Variants in MAP3K2 observed in about 807,000 individuals in gnomAD.
MAP3K2 encodes the protein MAP/ERK kinase kinase 2.
MAP3K2 carries 24 observed loss-of-function variants against 80.3 expected under a neutral mutation model. The observed-to-expected ratio is 0.30, with a 90% CI of 0.22 to 0.42. The LOEUF (loss-of-function observed/expected upper bound fraction) is 0.42. Among genes scored for constraint, MAP3K2 ranks in the 10% least tolerant of loss-of-function variants. The probability of loss-of-function intolerance (pLI) is 1.00; values close to 1 mark genes in which losing one functional copy is unlikely to be tolerated. For missense variants in MAP3K2, 608 were observed against 750.1 expected, an observed-to-expected ratio of 0.81 and a Z score of 2.21; for synonymous variants, 244 against 253.7, an observed-to-expected ratio of 0.96 and a Z score of 0.36.
At chr2:127,367,143 T>C (rs952407073) in intron 1 of MAP3K2, among the ~76,000 whole-genome samples, 1 of 152,058 alleles carries the variant, frequency 6.6e-6, no homozygotes, top group Non-Finnish European at 1.5e-5. Context: ...CATAACAGCT[T>C]GGGGGTGAAG....
At chr2:127,368,397 C>A (rs1397720717) in intron 1 of MAP3K2, among the ~76,000 whole-genome samples, 1 of 151,856 alleles carries the variant, frequency 6.6e-6, no homozygotes, top group Non-Finnish European at 1.5e-5. Context: ...CTGAGGCGGG[C>A]AGATCACGAG....
chr2:127,371,353 C>T (rs2104888263), intron 1 of MAP3K2, among the ~76,000 whole-genome samples: 1 of 152,270 alleles, frequency 6.6e-6, no homozygotes, highest in Admixed American at 6.5e-5. Flanking sequence ...TAATTTTGAT[C>T]CCCAGGCCTA....
At chr2:127,384,978 A>T (rs1159644052) in intron 1 of MAP3K2, among the ~76,000 whole-genome samples, 1 of 152,186 alleles carries the variant, frequency 6.6e-6, no homozygotes, top group Admixed American at 6.5e-5. Context: ...CCTAGTGAAG[A>T]TGATGTGAAT....
intron 1 of MAP3K2, among the ~76,000 whole-genome samples, chr2:127,386,345 A>T (rs1239952862): frequency 1.3e-5 from 2 of 152,254 alleles, no homozygotes; most frequent in African/African-American, 4.8e-5. Context: ...CACTCCATAC[A>T]AATGAAAAAG....
upstream of MAP3K2, chr2:127,388,343 G>C: frequency 1.0e-6 from 1 of 985,532 alleles, no homozygotes; most frequent in Non-Finnish European, 1.2e-6. Context: ...CAGGGCCCAA[G>C]GGTAGCAGAG....
At chr2:127,341,915 C>A (rs1300225706) in intron 2 of MAP3K2, among the ~76,000 whole-genome samples, 2 of 152,092 alleles carry the variant, frequency 1.3e-5, no homozygotes, top group African/African-American at 2.4e-5. Context: ...TTTCAAAAAT[C>A]TTTTATCAGA....
intron 1 of MAP3K2, among the ~76,000 whole-genome samples, chr2:127,365,724 C>T (rs1283709366): frequency 6.6e-6 from 1 of 152,188 alleles, no homozygotes; most frequent in Non-Finnish European, 1.5e-5. Flanking sequence ...GCTGGGCATA[C>T]CTGGCTTCTC....
chr2:127,318,063 G>GAA (rs370860947), intron 13 of MAP3K2, 106 bp downstream of exon 13: 7 of 512,196 alleles, frequency 1.4e-5, no homozygotes, highest in Non-Finnish European at 1.9e-5. Context: ...TTTTTTTTTT[G>GAA]AAAAAAAATG....
In MAP3K2 at chr2:127,364,759, T is replaced by C. The variant is rs978759360; in HGVS notation, c.-65-21565A>G. 2.0e-5 allele frequency among the ~76,000 whole-genome samples: 3 copies of C among 152,162 alleles called. No homozygotes were observed. The highest frequency in any genetic ancestry group is 7.2e-5 in the African/African-American group (3 of 41,438). ...GCACTCATCTTCTTTTCCCTCCACC[T>C]TTCCCCTCATCTTTAAAAATATACC... On this transcript the variant is annotated intron_variant, in intron 1 of 16. Transcript: ENST00000682094. This position sits in a 1 kb window ranked among gnomAD's most constrained non-coding sequence, Gnocchi z 4.1.
At chr2:127,342,505 C>A (rs1416467560) in intron 2 of MAP3K2, among the ~76,000 whole-genome samples, 1 of 151,936 alleles carries the variant, frequency 6.6e-6, no homozygotes, top group Non-Finnish European at 1.5e-5. Flanking sequence ...ATCCCAGGAT[C>A]AGTCTAAGTT....
At chr2:127,368,283 C>T (rs1286931600) in intron 1 of MAP3K2, among the ~76,000 whole-genome samples, 1 of 152,008 alleles carries the variant, frequency 6.6e-6, no homozygotes, top group African/African-American at 2.4e-5. Context: ...GATCACACCA[C>T]TGCACTCCAG....
intron 1 of MAP3K2, among the ~76,000 whole-genome samples, chr2:127,351,438 G>A (rs1686689898): frequency 6.6e-6 from 1 of 151,944 alleles, no homozygotes; most frequent in African/African-American, 2.4e-5. Context: ...GAAAAAAATT[G>A]TAAAAACAAA....
rs1685626387 is a variant in MAP3K2 at position 127,302,946 on chromosome 2, C to T, written c.*4633G>A. ...GTAGGAGGAGGCAGGCATTAAGAAA[C>T]ATTTAAGGACCAATACACAGTCTAA... On this transcript the variant is annotated 3_prime_UTR_variant, in exon 17 of 17. Coordinates refer to ENST00000682094, the MANE Select transcript of MAP3K2 (RefSeq NM_001371910.2). 1 of 151,880 alleles carries T rather than the reference C, an allele frequency of 6.6e-6. No individual in the cohort carries two copies. The highest frequency in any genetic ancestry group is 2.1e-4 in the South Asian group (1 of 4,822). The allele number at this position is 151,880 out of a possible 1,614,324, so 9.4% of individuals were successfully genotyped here. A position where few individuals can be genotyped will look rare whatever the true frequency, so the allele number is the denominator to read the frequency against.
chr2:127,339,107 C>A lies in MAP3K2; in HGVS notation c.5-57G>T. 1.0e-6 allele frequency: 1 copy of A among 972,774 alleles called. No homozygotes were observed. The highest frequency in any genetic ancestry group is 1.6e-5 in the South Asian group (1 of 64,266). 60.3% of individuals were successfully genotyped at this position (972,774 alleles called of 1,614,324 possible). A position where few individuals can be genotyped will look rare whatever the true frequency, so the allele number is the denominator to read the frequency against. The stretch of plus-strand genomic sequence containing the variant: ...ATTGTAATTGTGACATATATATCAA[C>A]ATGTATAGACATCAAACACAAAATT... On this transcript the variant is annotated intron_variant, in intron 2 of 16. Coordinates refer to ENST00000682094, the MANE Select transcript of MAP3K2 (RefSeq NM_001371910.2). The surrounding 1 kb of genome is among the most constrained non-coding windows in gnomAD (Gnocchi z 4.2).
chr2:127,367,612 G>A (rs1686994766), intron 1 of MAP3K2, among the ~76,000 whole-genome samples: 1 of 152,086 alleles, frequency 6.6e-6, no homozygotes, highest in African/African-American at 2.4e-5. Flanking sequence ...GGCCAACATG[G>A]TGAAACCCTA....
intron 1 of MAP3K2, among the ~76,000 whole-genome samples, chr2:127,354,244 A>AG (rs1158392181): frequency 3.3e-5 from 5 of 151,292 alleles, no homozygotes; most frequent in Non-Finnish European, 7.4e-5. Context: ...ATCAATAAAA[A>AG]AAAAAAAAGA....
rs1489127914 is a variant in MAP3K2, at chr2:127,301,178, A to C, written c.*6401T>G. 6.6e-6 allele frequency: 1 copy of C among 152,222 alleles called. No homozygotes were observed. The highest frequency in any genetic ancestry group is 1.5e-5 in the Non-Finnish European group (1 of 68,030). The allele number at this position is 152,222 out of a possible 1,614,324, so 9.4% of individuals were successfully genotyped here. A position where few individuals can be genotyped will look rare whatever the true frequency, so the allele number is the denominator to read the frequency against. ...TTCCAAAATGTCTATGGCACAAAGC[A>C]GACATCAGTCCAGAACCTACTTTTC... On this transcript the variant is annotated 3_prime_UTR_variant, in exon 17 of 17. Coordinates refer to ENST00000682094, the MANE Select transcript of MAP3K2 (RefSeq NM_001371910.2).
At chr2:127,315,255 T>C (rs1301599268) in intron 14 of MAP3K2, among the ~76,000 whole-genome samples, 2 of 152,238 alleles carry the variant, frequency 1.3e-5, no homozygotes, top group African/African-American at 4.8e-5. Flanking sequence ...AAGTGAGGAA[T>C]AGGTATTTGA....
chr2:127,345,901 A>T (rs1196220767), intron 1 of MAP3K2, among the ~76,000 whole-genome samples: 1 of 148,612 alleles, frequency 6.7e-6, no homozygotes, highest in Non-Finnish European at 1.5e-5. Context: ...ATTGACAAAC[A>T]AGAAGGATGT....
Sources: gnomAD v4.1 joint callset for allele counts (sites outside exome capture counted in the v4.1 genomes callset) on GRCh38, gnomAD v4.1.1 for gene constraint, Gnocchi (gnomAD v3.1) non-coding constraint, MANE v1.5 for transcripts, NCBI Gene and HGNC (gene_info 2026-07-23, HGNC 2026-07-21) for gene names.